SPRED1: variants seen among roughly 807,000 people sequenced by gnomAD.
SPRED1 encodes the protein sprouty-related, EVH1 domain-containing protein 1.
Under a neutral mutation model 52.3 loss-of-function variants are expected in SPRED1, and 18 were observed. The ratio of observed to expected loss-of-function variants is 0.34; its 90% CI spans 0.24 to 0.51. The LOEUF is 0.51. SPRED1 is among the 20% of genes least tolerant of loss of function. SPRED1 has a pLI of 0.97. For synonymous variants in SPRED1, 155 were observed against 179.7 expected (o/e 0.86, Z 1.10); for missense variants, 485 against 551.0 (o/e 0.88, Z 1.20).
intron 2 of SPRED1, among the ~76,000 whole-genome samples, chr15:38,313,436 T>C (rs59897517): frequency 0.031 from 4,771 of 152,018 alleles, 111 homozygotes; most frequent in Middle Eastern, 0.051. Context: ...ATTCATATTA[T>C]TCATCCTTGC....
At chr15:38,260,431 G>A (rs949923105) in intron 1 of SPRED1, among the ~76,000 whole-genome samples, 2 of 152,110 alleles carry the variant, frequency 1.3e-5, no homozygotes, top group Non-Finnish European at 2.9e-5. Flanking sequence ...AACTAATAAG[G>A]TCATGGGGCT....
At chr15:38,293,256 C>A (rs1190267797) in intron 1 of SPRED1, among the ~76,000 whole-genome samples, 1 of 151,884 alleles carries the variant, frequency 6.6e-6, no homozygotes, top group African/African-American at 2.4e-5. Context: ...CACGCCACTA[C>A]GCCCATCTAA....
At chr15:38,338,588 C>G (rs996453057) in intron 4 of SPRED1, among the ~76,000 whole-genome samples, 1 of 152,042 alleles carries the variant, frequency 6.6e-6, no homozygotes, top group Non-Finnish European at 1.5e-5. Context: ...ACAGTAGATT[C>G]TCAGATATAT....
rs79164476 is a variant in SPRED1, at chr15:38,341,949, C to T, written c.582+2054C>T. On this transcript the variant is annotated intron_variant, in intron 5 of 6. Coordinates refer to ENST00000299084, the MANE Select transcript of SPRED1 (RefSeq NM_152594.3). ...ATTACTTCAGTTTTCTTCTGGTTAG[C>T]GCTTTCACAATAGGTTTTTTTCTTT... Among the ~76,000 whole-genome samples the T allele has an allele frequency of 6.0e-3, 909 of 150,862 alleles. 9 individuals are homozygous for T. The highest frequency in any genetic ancestry group is 0.021 in the African/African-American group (847 of 41,212).
chr15:38,340,699 A>AT (rs1896011290), intron 5 of SPRED1, among the ~76,000 whole-genome samples: 2 of 151,844 alleles, frequency 1.3e-5, no homozygotes, highest in African/African-American at 4.8e-5. Context: ...CACGTGGCTA[A>AT]TTTTTTTGTA....
chr15:38,315,821 G>A (rs1895467433), intron 2 of SPRED1, among the ~76,000 whole-genome samples: 2 of 151,900 alleles, frequency 1.3e-5, no homozygotes, highest in South Asian at 2.1e-4. Context: ...CTATTGTGGG[G>A]TAGTGGCATC....
At chr15:38,310,183 C>A (rs1221922148) in intron 2 of SPRED1, among the ~76,000 whole-genome samples, 1 of 123,476 alleles carries the variant, frequency 8.1e-6, no homozygotes, top group Non-Finnish European at 1.7e-5. Context: ...TCTTGTTGCC[C>A]ATACTGGAGC....
At chr15:38,292,868 A>C (rs1228855866) in intron 1 of SPRED1, among the ~76,000 whole-genome samples, 1 of 152,168 alleles carries the variant, frequency 6.6e-6, no homozygotes, top group Non-Finnish European at 1.5e-5. Flanking sequence ...ATAATGAGAC[A>C]AATTTAGACA....
intron 1 of SPRED1, among the ~76,000 whole-genome samples, chr15:38,269,457 G>A (rs531699252): frequency 2.6e-5 from 4 of 152,064 alleles, no homozygotes; most frequent in Admixed American, 1.3e-4. Flanking sequence ...TTGGCCAGCC[G>A]GGCTGGTCTC....
At chr15:38,302,221 G>A (rs986773665) in intron 2 of SPRED1, among the ~76,000 whole-genome samples, 3 of 152,012 alleles carry the variant, frequency 2.0e-5, no homozygotes, top group Non-Finnish European at 4.4e-5. Flanking sequence ...ATGAGTGTTT[G>A]TAAGTCAGAA....
At chr15:38,328,159 C>T (rs763912235) in intron 4 of SPRED1, among the ~76,000 whole-genome samples, 2 of 152,032 alleles carry the variant, frequency 1.3e-5, no homozygotes, top group Non-Finnish European at 2.9e-5. Flanking sequence ...GTGTTTATAT[C>T]GGGTTTACTT....
At chr15:38,287,114 A>C (rs1223562715) in intron 1 of SPRED1, among the ~76,000 whole-genome samples, 1 of 152,174 alleles carries the variant, frequency 6.6e-6, no homozygotes, top group Non-Finnish European at 1.5e-5. Context: ...TCTTTATTTA[A>C]AATGTGTAAT....
rs937349459 is a variant in SPRED1, at chr15:38,294,351, G to A, written c.33-5022G>A. Among the ~76,000 whole-genome samples the A allele has an allele frequency of 4.6e-5, 7 of 152,070 alleles. 1 individual carries two copies. In the South Asian group the frequency reaches 6.2e-4, roughly 14 times the overall value. On this transcript the variant is annotated intron_variant, in intron 1 of 6. Transcript: ENST00000299084. ...TCCTCAATTTGGTGGTTGGTGGGGC[G>A]GAGGTCAGGATTTTGTTTTAATACT...
chr15:38,293,121 G>T (rs371613692), intron 1 of SPRED1, among the ~76,000 whole-genome samples: 2 of 2,292 alleles, frequency 8.7e-4, no homozygotes, highest in African/African-American at 8.3e-4. Flanking sequence ...TTTTTTTTGA[G>T]ACGGAGTCTC....
chr15:38,339,838 T>A lies in SPRED1; in HGVS notation c.525T>A (p.Pro175=). 6.2e-7 allele frequency: 1 copy of A among 1,613,956 alleles called. No individual in the cohort carries two copies. Among genetic ancestry groups the A allele is most frequent in the Non-Finnish European group, 8.5e-7 (1 of 1,179,926 alleles). Residue 175 remains proline, a synonymous_variant, in exon 5 of 7, where the codon CCT becomes CCA. Transcript: ENST00000299084. The part of the protein sequence containing the change: ...SEPYRSSNIR[P]SPFEDLNARR... Reference sequence around the variant, plus strand: ...CTTATAGAAGCTCAAATATAAGACCTTCTCCCTTTGAAGATCTGAATGCCA... The same window carrying A: ...CTTATAGAAGCTCAAATATAAGACCATCTCCCTTTGAAGATCTGAATGCCA...
chr15:38,337,727 TTTA>T (rs2141006116), intron 4 of SPRED1, among the ~76,000 whole-genome samples: 1 of 152,218 alleles, frequency 6.6e-6, no homozygotes, highest in African/African-American at 2.4e-5. Flanking sequence ...TAAAGTCAGC[TTTA>T]TTTTAATTTA....
At chr15:38,336,440 TTA>T (rs368348768) in intron 4 of SPRED1, among the ~76,000 whole-genome samples, 116,516 of 140,918 alleles carry the variant, frequency 0.83, 48,659 homozygotes, top group Non-Finnish European at 0.9. Context: ...ATATATAATA[TTA>T]TATATATGTT....
intron 1 of SPRED1, among the ~76,000 whole-genome samples, chr15:38,280,725 C>G (rs75423106): frequency 1.3e-5 from 2 of 152,192 alleles, no homozygotes; most frequent in East Asian, 3.9e-4. Context: ...GTTTGCCAAA[C>G]CACAATTTAG....
At chr15:38,267,426 G>A (rs1243255793) in intron 1 of SPRED1, among the ~76,000 whole-genome samples, 1 of 152,160 alleles carries the variant, frequency 6.6e-6, no homozygotes, top group East Asian at 1.9e-4. Context: ...TGGGATAAGT[G>A]TGTCAAAGAG....
Sources: allele counts gnomAD v4.1 joint callset (sites outside exome capture counted in the v4.1 genomes callset), GRCh38; gene constraint gnomAD v4.1.1; transcripts MANE v1.5; gene names NCBI Gene and HGNC (gene_info 2026-07-23, HGNC 2026-07-21).